GRIP2: variants seen among roughly 807,000 people sequenced by gnomAD.
GRIP2 encodes the protein glutamate receptor-interacting protein 2.
In GRIP2, 58 loss-of-function variants were observed where a neutral mutation model predicts 108.3. The ratio of observed to expected loss-of-function variants is 0.54; its 90% CI spans 0.43 to 0.67. The LOEUF (loss-of-function observed/expected upper bound fraction) is 0.67, where lower values mean the gene tolerates loss of function less well. GRIP2 is among the 30% of genes least tolerant of loss of function. The probability of loss-of-function intolerance (pLI) is 0.00; values close to 1 mark genes in which losing one functional copy is unlikely to be tolerated. For synonymous variants in GRIP2, 586 were observed against 598.2 expected, an observed-to-expected ratio of 0.98 and a Z score of 0.30; for missense variants, 1,278 against 1,430.6, an observed-to-expected ratio of 0.89 and a Z score of 1.72.
At chr3:14,550,649 G>A (rs75595298) in intron 1 of GRIP2, among the ~76,000 whole-genome samples, 2,503 of 152,316 alleles carry the variant, frequency 0.016, 86 homozygotes, top group African/African-American at 0.057. Context: ...GTGGGGCTGC[G>A]GGAGGAGTAG....
intron 1 of GRIP2, among the ~76,000 whole-genome samples, chr3:14,553,354 G>A (rs957809940): frequency 3.9e-4 from 59 of 151,890 alleles, no homozygotes; most frequent in African/African-American, 1.4e-3. Flanking sequence ...CAAGTGATCC[G>A]CCCACCTCGG....
At position 14,523,685 on chromosome 3, in the gene GRIP2, G is replaced by T. The variant is rs1694474498; in HGVS notation, c.417C>A (p.Asn139Lys). Residue 139 changes from asparagine to lysine, a missense_variant, in exon 5 of 24, where the codon AAC becomes AAA. By Grantham distance (94) the Asn-to-Lys change is moderately conservative. Coordinates refer to ENST00000621039, the MANE Select transcript of GRIP2 (RefSeq NM_001080423.4). ...CCACTGTCTTTGAAATGATCCTGGG[G>T]TTATTCTCAGGAGCTGGGGAGAAAT... ...YELPPPAPEN[N>K]PRIISKTVDV... is the part of the protein sequence containing the mutation. 1 of 1,610,324 alleles carries T rather than the reference G, an allele frequency of 6.2e-7. No individual in the cohort carries two copies. The highest frequency in any genetic ancestry group is 1.7e-5 in the Admixed American group (1 of 59,648).
intron 22 of GRIP2, among the ~76,000 whole-genome samples, chr3:14,496,017 T>C (rs2124832039): frequency 6.6e-6 from 1 of 152,086 alleles, no homozygotes; most frequent in Admixed American, 6.5e-5. Context: ...TAGTGGTGCA[T>C]GCCTGTGGTC....
chr3:14,559,065 G>T (rs189807077), upstream of GRIP2, among the ~76,000 whole-genome samples: 100 of 152,318 alleles, frequency 6.6e-4, 1 homozygote, highest in African/African-American at 2.4e-3. Context: ...TGTGGAGCCA[G>T]CCTGCCCGGG....
At chr3:14,534,103 G>A (rs1190111818) in intron 1 of GRIP2, among the ~76,000 whole-genome samples, 1 of 152,216 alleles carries the variant, frequency 6.6e-6, no homozygotes, top group African/African-American at 2.4e-5. Flanking sequence ...CGGAAGGAAT[G>A]CTGCAGTGTT....
chr3:14,534,914 C>T (rs1026366264), intron 1 of GRIP2, among the ~76,000 whole-genome samples: 1 of 152,142 alleles, frequency 6.6e-6, no homozygotes, highest in Non-Finnish European at 1.5e-5. Flanking sequence ...CCTGCCTAAG[C>T]GGGTGGCTGG....
At chr3:14,540,999 C>G (rs557240352), upstream of GRIP2, among the ~76,000 whole-genome samples, 86 of 152,372 alleles carry the variant, frequency 5.6e-4, 1 homozygote, top group South Asian at 0.016. The surrounding 1 kb of genome is among the most constrained non-coding windows in gnomAD (Gnocchi z 4.1). Context: ...GGTGGAGGAT[C>G]TGCCCGCCTC....
Position 14,509,950 on chromosome 3 carries a change from T to A in GRIP2, c.1948A>T (p.Thr650Ser). Reference protein sequence around the residue: ...DEDNSDELETTGAVSYTVELK... With the variant: ...DEDNSDELETSGAVSYTVELK... Reference sequence around the variant, plus strand: ...TCCACTGTGTAACTGACGGCACCTGTGGTCTCCAGCTCATCTGCAAGCACG... The same window carrying A: ...TCCACTGTGTAACTGACGGCACCTGAGGTCTCCAGCTCATCTGCAAGCACG... The change falls in exon 17 of 24, where the codon ACA (threonine) becomes TCA (serine). Residue 650 changes from threonine (T) to serine (S), a missense_variant. Coordinates refer to ENST00000621039, the MANE Select transcript of GRIP2 (RefSeq NM_001080423.4). The A allele has an allele frequency of 1.3e-6, 2 of 1,524,614 alleles. No individual in the cohort carries two copies. Among genetic ancestry groups the A allele is most frequent in the Non-Finnish European group, 1.8e-6 (2 of 1,131,844 alleles). 94.4% of individuals were successfully genotyped at this position (1,524,614 alleles called of 1,614,324 possible). A position where few individuals can be genotyped will look rare whatever the true frequency, so the allele number is the denominator to read the frequency against.
At position 14,540,237 on chromosome 3, in the gene GRIP2, A is replaced by G. The variant is rs1443807063; in HGVS notation, c.40+32T>C. On this transcript the variant is annotated intron_variant, in intron 1 of 23. Coordinates refer to ENST00000621039, the MANE Select transcript of GRIP2 (RefSeq NM_001080423.4). The surrounding 1 kb of genome is among the most constrained non-coding windows in gnomAD (Gnocchi z 4.1). ...CAGAGGGATCTATGTGTTCAGCCCC[A>G]TCACTCTGCCCACAGACCCCCCATT... The G allele has an allele frequency of 2.5e-6, 4 of 1,611,078 alleles. No individual in the cohort carries two copies. The highest frequency in any genetic ancestry group is 1.6e-4 in the Middle Eastern group (1 of 6,074).
At chr3:14,559,384 G>T (rs1297725352), upstream of GRIP2, among the ~76,000 whole-genome samples, 1 of 150,890 alleles carries the variant, frequency 6.6e-6, no homozygotes, top group South Asian at 2.1e-4. Flanking sequence ...ACCCTGGTGG[G>T]TCTGGTAAAT....
chr3:14,524,631 C>T (rs1217418663), intron 3 of GRIP2, 93 bp from the exon 4 acceptor site: 18 of 1,355,322 alleles, frequency 1.3e-5, no homozygotes, highest in Non-Finnish European at 1.8e-5. Flanking sequence ...TCCCTATGAT[C>T]ACTGGATCCT....
Position 14,512,696 on chromosome 3 carries a change from G to T in GRIP2, c.1720+81C>A. The T allele has an allele frequency of 7.4e-7, 1 of 1,357,924 alleles. No homozygotes were observed. The highest frequency in any genetic ancestry group is 1.0e-6 in the Non-Finnish European group (1 of 963,864). The allele number at this position is 1,357,924 out of a possible 1,614,324, so 84.1% of individuals were successfully genotyped here. ...CCGCAGGGTGTCACGCCATGGAAAT[G>T]CTGGTCTGAGCTTGGCAAGCTCTTT... On this transcript the variant is annotated intron_variant, in intron 14 of 23. Coordinates refer to ENST00000621039, the MANE Select transcript of GRIP2 (RefSeq NM_001080423.4). This position sits in a 1 kb window ranked among gnomAD's most constrained non-coding sequence, Gnocchi z 5.1.
chr3:14,581,643 C>T, the GRIP2 span, among the ~76,000 whole-genome samples: 3 of 152,110 alleles, frequency 2.0e-5, no homozygotes, highest in Non-Finnish European at 4.4e-5. Flanking sequence ...GTCTGGAGAG[C>T]CTGCCCAAAG....
At chr3:14,529,182 G>T (rs1694642544) in intron 1 of GRIP2, among the ~76,000 whole-genome samples, 1 of 151,780 alleles carries the variant, frequency 6.6e-6, no homozygotes, top group East Asian at 1.9e-4. Context: ...GGGAGGCTGA[G>T]GCAGGTGAAT....
rs1318124459 is a variant in GRIP2 at position 14,512,539 on chromosome 3, C to A, written c.1720+238G>T. 6.6e-6 allele frequency among the ~76,000 whole-genome samples: 1 copy of A among 152,178 alleles called. No individual in the cohort carries two copies. The highest frequency in any genetic ancestry group is 1.5e-5 in the Non-Finnish European group (1 of 68,030). ...GCACCTCACAAGCCCCCTGGGAGAC[C>A]CACGAGGCCAGGGGACTGCCATGGT... On this transcript the variant is annotated intron_variant, in intron 14 of 23. Coordinates refer to ENST00000621039, the MANE Select transcript of GRIP2 (RefSeq NM_001080423.4). The surrounding 1 kb of genome is among the most constrained non-coding windows in gnomAD (Gnocchi z 5.1).
intron 3 of GRIP2, among the ~76,000 whole-genome samples, chr3:14,525,193 T>C (rs1694520101): frequency 6.6e-6 from 1 of 152,070 alleles, no homozygotes; most frequent in Admixed American, 6.5e-5. Flanking sequence ...GGAGGGCAGA[T>C]ATGGCCTGGT....
At chr3:14,595,386 C>A in the GRIP2 span, among the ~76,000 whole-genome samples, 1 of 152,192 alleles carries the variant, frequency 6.6e-6, no homozygotes, top group Non-Finnish European at 1.5e-5. Flanking sequence ...CCTGCTCCAG[C>A]ACACTCTTCA....
chr3:14,517,314 G>A, intron 10 of GRIP2, 101 bp from the exon 11 acceptor site: 2 of 1,232,910 alleles, frequency 1.6e-6, no homozygotes, highest in East Asian at 2.7e-5. Context: ...GAGAGATGGG[G>A]ATGCCTTCCC....
At chr3:14,588,933 C>T in the GRIP2 span, among the ~76,000 whole-genome samples, 1 of 152,296 alleles carries the variant, frequency 6.6e-6, no homozygotes, top group South Asian at 2.1e-4. Flanking sequence ...TCACACCCAG[C>T]CCCCCAAAAC....
Sources: allele counts gnomAD v4.1 joint callset (sites outside exome capture counted in the v4.1 genomes callset), GRCh38; gene constraint gnomAD v4.1.1; non-coding constraint Gnocchi (gnomAD v3.1); transcripts MANE v1.5; gene names NCBI Gene and HGNC (gene_info 2026-07-23, HGNC 2026-07-21).